Variants in PTGR1 observed in about 807,000 individuals in gnomAD.
PTGR1 encodes the protein 15-oxoprostaglandin 13-reductase.
PTGR1 carries 23 observed loss-of-function variants against 37.7 expected under a neutral mutation model. The ratio of observed to expected loss-of-function variants is 0.61; its 90% CI spans 0.44 to 0.86. The LOEUF is 0.86. PTGR1 is among the 40% of genes least tolerant of loss of function. The pLI is 0.00. For missense variants in PTGR1, 351 were observed against 394.3 expected, an observed-to-expected ratio of 0.89 and a Z score of 0.93; for synonymous variants, 134 against 140.0, an observed-to-expected ratio of 0.96 and a Z score of 0.30.
At chr9:111,555,695 C>T (rs961258387) in intron 9 of PTGR1, among the ~76,000 whole-genome samples, 3 of 152,116 alleles carry the variant, frequency 2.0e-5, no homozygotes, top group African/African-American at 7.2e-5. Flanking sequence ...GTGCTACACA[C>T]TTCTAAACAA....
intron 7 of PTGR1, 30 bp downstream of exon 7, chr9:111,578,766 A>C: frequency 2.5e-6 from 4 of 1,573,588 alleles, no homozygotes; most frequent in Non-Finnish European, 3.5e-6. Flanking sequence ...TTCCATAATA[A>C]ATTAGATATT....
rs143010595 is a variant in PTGR1 at position 111,564,675 on chromosome 9, G to C, written c.880-1444C>G. The stretch of plus-strand genomic sequence containing the variant: ...TTGAAGAAGCAAGGAATCTGGATAG[G>C]GTGGAAAGGTAGAATCCAGTTCAGA... On this transcript the variant is annotated intron_variant, in intron 9 of 9. Coordinates refer to ENST00000407693, the MANE Select transcript of PTGR1 (RefSeq NM_001146108.2). Among the ~76,000 whole-genome samples the C allele has an allele frequency of 3.5e-3, 531 of 152,044 alleles. 1 individual carries two copies. Among genetic ancestry groups the C allele is most frequent in the Admixed American group, 5.8e-3 (89 of 15,254 alleles).
chr9:111,595,234 C>G (rs1245229710), intron 2 of PTGR1, among the ~76,000 whole-genome samples: 1 of 152,036 alleles, frequency 6.6e-6, no homozygotes, highest in Non-Finnish European at 1.5e-5. Context: ...ATCGCAGAGA[C>G]AAGAAGGGGT....
At chr9:111,552,592 A>G (rs1484216239) in intron 9 of PTGR1, among the ~76,000 whole-genome samples, 3 of 152,172 alleles carry the variant, frequency 2.0e-5, no homozygotes, top group African/African-American at 4.8e-5. Flanking sequence ...TGTCAAAAAT[A>G]TCTGCCATGA....
intron 9 of PTGR1, 198 bp from the exon 10 acceptor site, chr9:111,563,429 T>A (rs1828401882): frequency 2.1e-6 from 1 of 482,740 alleles, no homozygotes; most frequent in Non-Finnish European, 3.6e-6. Context: ...GATTACAAAG[T>A]ACACCTAAGA....
At chr9:111,563,535 T>C in intron 9 of PTGR1, 1 of 189,530 alleles carries the variant, frequency 5.3e-6, no homozygotes. Context: ...AGACAGAGTC[T>C]CGCTCTGTTG....
At chr9:111,569,927 A>T in intron 9 of PTGR1, 164 bp downstream of exon 9, 1 of 1,159,582 alleles carries the variant, frequency 8.6e-7, no homozygotes, top group Non-Finnish European at 1.2e-6. Flanking sequence ...TTCCTTTCAA[A>T]GATGGGAAAA....
chr9:111,594,608 T>C (rs1829725613), intron 2 of PTGR1, among the ~76,000 whole-genome samples: 1 of 144,586 alleles, frequency 6.9e-6, no homozygotes, highest in African/African-American at 2.6e-5. Context: ...TGGAGTGCAG[T>C]GGCGTGATCT....
At chr9:111,568,078 A>G (rs1033614269) in intron 9 of PTGR1, among the ~76,000 whole-genome samples, 3 of 152,228 alleles carry the variant, frequency 2.0e-5, no homozygotes, top group African/African-American at 7.2e-5. Flanking sequence ...TGCATCTTGA[A>G]AAAGAACAGA....
chr9:111,563,543 T>C (rs1313920311), intron 9 of PTGR1: 2 of 179,146 alleles, frequency 1.1e-5, no homozygotes, highest in African/African-American at 4.8e-5. Flanking sequence ...TCTCGCTCTG[T>C]TGCCCAGGCT....
At chr9:111,589,305 C>T (rs1829533662) in intron 4 of PTGR1, 5 of 711,544 alleles carry the variant, frequency 7.0e-6, no homozygotes, top group African/African-American at 1.9e-5. Flanking sequence ...TCAGTTTCCT[C>T]TAAATAAATC....
Position 111,574,800 on chromosome 9 carries a change from T to A in PTGR1, c.694A>T (p.Lys232Ter), listed in dbSNP as rs1262442801. 6.2e-7 allele frequency: 1 copy of A among 1,613,934 alleles called. No individual in the cohort carries two copies. Among genetic ancestry groups the A allele is most frequent in the Non-Finnish European group, 8.5e-7 (1 of 1,179,916 alleles). The stretch of plus-strand genomic sequence containing the variant: ...CCACATATGGCAATCCTTCCAAATT[T>A]CTTCATCTGGCCGATAACAGTGTTT... ...FSNTVIGQMK[K>*]FGRIAICGAI... Residue 232 changes from lysine (K) to a stop codon, truncating the protein, a stop_gained, in exon 8 of 10, where the codon AAA becomes TAA. Transcript: ENST00000407693. LOFTEE classifies it high-confidence loss of function.
At chr9:111,572,744 G>C (rs183875240) in intron 8 of PTGR1, among the ~76,000 whole-genome samples, 103 of 102,466 alleles carry the variant, frequency 1.0e-3, no homozygotes, top group Admixed American at 3.5e-3. Flanking sequence ...GCAACAAAGC[G>C]AGACCCTGTC....
chr9:111,593,118 A>C, intron 3 of PTGR1, 136 bp from the exon 4 acceptor site: 4 of 1,358,248 alleles, frequency 2.9e-6, no homozygotes, highest in Non-Finnish European at 3.9e-6. Flanking sequence ...TGTATGCGGC[A>C]ATAAAACCCA....
At chr9:111,581,304 T>C (rs1829272495) in intron 6 of PTGR1, among the ~76,000 whole-genome samples, 2 of 152,130 alleles carry the variant, frequency 1.3e-5, no homozygotes, top group African/African-American at 2.4e-5. Context: ...ACATATACCA[T>C]TCCTCATGAA....
chr9:111,594,263 G>A lies in PTGR1; in HGVS notation c.111C>T (p.Val37=). The A allele has an allele frequency of 6.2e-7, 1 of 1,613,358 alleles. No individual in the cohort carries two copies. The highest frequency in any genetic ancestry group is 8.5e-7 in the Non-Finnish European group (1 of 1,179,454). The part of the protein sequence containing the change: ...AELPPLKNGE[V]LLEALFLTVD... ...CGGTGAGGAACAAAGCTTCAAGCAG[G>A]ACCTCTACAAAATAAAGCATTCCAT... The change falls in exon 3 of 10, where the codon GTC becomes GTT. Residue 37 remains valine (V), a synonymous_variant. Coordinates refer to ENST00000407693, the MANE Select transcript of PTGR1 (RefSeq NM_001146108.2).
At chr9:111,578,337 T>C (rs1829151536) in intron 7 of PTGR1, among the ~76,000 whole-genome samples, 1 of 152,168 alleles carries the variant, frequency 6.6e-6, no homozygotes, top group African/African-American at 2.4e-5. Context: ...ATTATTGCAA[T>C]GTAATATACA....
At chr9:111,593,065 G>C in intron 3 of PTGR1, 83 bp from the exon 4 acceptor site, 1 of 1,489,256 alleles carries the variant, frequency 6.7e-7, no homozygotes, top group Non-Finnish European at 8.9e-7. Flanking sequence ...AGCATCGGGG[G>C]ACTGTTTTGA....
downstream of PTGR1, among the ~76,000 whole-genome samples, chr9:111,559,643 T>TACAGCACACACAC (rs1245413485): frequency 7.1e-6 from 1 of 141,422 alleles, no homozygotes; most frequent in East Asian, 2.1e-4. Flanking sequence ...CACACACACA[T>TACAGCACACACAC]ACAGCACACA....
Sources: allele counts gnomAD v4.1 joint callset (sites outside exome capture counted in the v4.1 genomes callset), GRCh38; gene constraint gnomAD v4.1.1; transcripts MANE v1.5; gene names NCBI Gene and HGNC (gene_info 2026-07-23, HGNC 2026-07-21).